PDE4D: variants seen among roughly 807,000 people sequenced by gnomAD.
PDE4D encodes the protein 3',5'-cyclic-AMP phosphodiesterase 4D.
Under a neutral mutation model 87.4 loss-of-function variants are expected in PDE4D, and 24 were observed. The ratio of observed to expected loss-of-function variants is 0.27; its 90% CI spans 0.20 to 0.39. PDE4D has a LOEUF of 0.39. Ranked by LOEUF, PDE4D falls within the 10% of genes least tolerant of loss-of-function variation. PDE4D has a pLI of 1.00. For missense variants in PDE4D, 714 were observed against 1,041.0 expected, an observed-to-expected ratio of 0.69 and a Z score of 4.32; for synonymous variants, 384 against 383.2, an observed-to-expected ratio of 1.00 and a Z score of -0.02.
At chr5:59,882,532 G>T (rs1008762420) in intron 1 of PDE4D, among the ~76,000 whole-genome samples, 1 of 152,144 alleles carries the variant, frequency 6.6e-6, no homozygotes, top group Non-Finnish European at 1.5e-5. Flanking sequence ...CTTTCAGAGA[G>T]AAGGGCTGTG....
At chr5:59,698,948 G>T (rs1274167501) in intron 1 of PDE4D, among the ~76,000 whole-genome samples, 1 of 152,154 alleles carries the variant, frequency 6.6e-6, no homozygotes, top group African/African-American at 2.4e-5. Context: ...TGGCCATTGG[G>T]CTCAAGAGGC....
chr5:59,756,106 C>G (rs187972517), intron 1 of PDE4D, among the ~76,000 whole-genome samples: 1 of 151,848 alleles, frequency 6.6e-6, no homozygotes, highest in Admixed American at 6.6e-5. Flanking sequence ...TGAAGATCTA[C>G]TTTGGAAAAA....
chr5:59,826,221 C>A (rs1242329252), intron 1 of PDE4D, among the ~76,000 whole-genome samples: 1 of 152,088 alleles, frequency 6.6e-6, no homozygotes, highest in Non-Finnish European at 1.5e-5. Flanking sequence ...CCTCTATATC[C>A]CTAGCCAAGA....
At chr5:59,465,580 T>G (rs1801470294) in intron 1 of PDE4D, among the ~76,000 whole-genome samples, 1 of 152,196 alleles carries the variant, frequency 6.6e-6, no homozygotes. Flanking sequence ...AAGTTGGAGT[T>G]GTCTGTTTCT....
chr5:60,456,934 G>A (rs1746514718), intron 1 of PDE4D, among the ~76,000 whole-genome samples: 1 of 152,056 alleles, frequency 6.6e-6, no homozygotes. Flanking sequence ...CTTTAATCTG[G>A]TCACGGTCAA....
intron 1 of PDE4D, among the ~76,000 whole-genome samples, chr5:59,297,567 T>C (rs1481134805): frequency 6.6e-6 from 1 of 152,166 alleles, no homozygotes; most frequent in African/African-American, 2.4e-5. Flanking sequence ...ATGTGAATTT[T>C]TTTTTAAACT....
intron 2 of PDE4D, among the ~76,000 whole-genome samples, chr5:60,104,582 C>T (rs984662334): frequency 1.3e-5 from 2 of 152,206 alleles, no homozygotes; most frequent in Non-Finnish European, 2.9e-5. Flanking sequence ...TGACCCCTGA[C>T]CCCCGAGCAG....
At chr5:60,468,296 A>G (rs1747545954) in intron 1 of PDE4D, among the ~76,000 whole-genome samples, 1 of 151,646 alleles carries the variant, frequency 6.6e-6, no homozygotes. Context: ...GTGCCACCAC[A>G]CCTGGCTAAT....
At chr5:60,181,727 T>C (rs1405527798) in intron 2 of PDE4D, among the ~76,000 whole-genome samples, 1 of 152,146 alleles carries the variant, frequency 6.6e-6, no homozygotes, top group African/African-American at 2.4e-5. Context: ...TGCAAAAGAC[T>C]ACAAGAAAGT....
At chr5:59,045,137 T>C (rs1240964914) in intron 5 of PDE4D, among the ~76,000 whole-genome samples, 1 of 152,180 alleles carries the variant, frequency 6.6e-6, no homozygotes, top group Non-Finnish European at 1.5e-5. Flanking sequence ...AAGAGGACTA[T>C]TTAAATCAGA....
At chr5:59,672,723 C>A (rs180856577) in intron 1 of PDE4D, among the ~76,000 whole-genome samples, 2 of 152,064 alleles carry the variant, frequency 1.3e-5, no homozygotes, top group African/African-American at 2.4e-5. Context: ...AATGTAATCA[C>A]CATATAGAAA....
intron 1 of PDE4D, among the ~76,000 whole-genome samples, chr5:59,267,443 C>A (rs184950792): frequency 6.6e-6 from 1 of 152,000 alleles, no homozygotes; most frequent in Non-Finnish European, 1.5e-5. Context: ...TTAGATACAA[C>A]GGGAGCACTT....
intron 3 of PDE4D, among the ~76,000 whole-genome samples, chr5:59,977,938 G>A (rs1040667957): frequency 2.0e-5 from 3 of 152,130 alleles, no homozygotes; most frequent in African/African-American, 7.2e-5. Flanking sequence ...AATAAGGACT[G>A]GATGACAGTG....
chr5:59,842,555 A>T (rs1041485511), intron 1 of PDE4D, among the ~76,000 whole-genome samples: 1 of 152,014 alleles, frequency 6.6e-6, no homozygotes, highest in African/African-American at 2.4e-5. Flanking sequence ...TTTCCTAGAA[A>T]TTTTACAATA....
chr5:60,085,011 ACT>A (rs1774383020), intron 2 of PDE4D, among the ~76,000 whole-genome samples: 1 of 152,172 alleles, frequency 6.6e-6, no homozygotes, highest in African/African-American at 2.4e-5. Flanking sequence ...TTGAATATAA[ACT>A]CTGATTTGCC....
intron 1 of PDE4D, among the ~76,000 whole-genome samples, chr5:59,669,930 G>A (rs754591075): frequency 8.6e-5 from 13 of 152,008 alleles, no homozygotes; most frequent in Non-Finnish European, 1.6e-4. Flanking sequence ...CCCCTTAATT[G>A]TATAGTTATG....
intron 1 of PDE4D, among the ~76,000 whole-genome samples, chr5:59,513,906 A>G (rs1810703667): frequency 1.3e-5 from 2 of 152,156 alleles, no homozygotes; most frequent in South Asian, 4.1e-4. Context: ...ATAAAGGAAA[A>G]CTTAGAGCGA....
At chr5:60,349,815 G>A (rs1013783389) in intron 1 of PDE4D, among the ~76,000 whole-genome samples, 2 of 152,036 alleles carry the variant, frequency 1.3e-5, no homozygotes, top group African/African-American at 4.8e-5. Flanking sequence ...TAATTACAAA[G>A]TGAATTTTTA....
At chr5:59,633,996 C>T (rs955279000) in intron 1 of PDE4D, among the ~76,000 whole-genome samples, 1 of 152,000 alleles carries the variant, frequency 6.6e-6, no homozygotes, top group African/African-American at 2.4e-5. Flanking sequence ...AGACTCATCT[C>T]ATGTGCAAAC....
Sources: gnomAD v4.1 joint callset for allele counts (sites outside exome capture counted in the v4.1 genomes callset) on GRCh38, gnomAD v4.1.1 for gene constraint, MANE v1.5 for transcripts, NCBI Gene and HGNC (gene_info 2026-07-23, HGNC 2026-07-21) for gene names.